The following CLDND1 variants were observed in gnomAD, a reference collection of about 807,000 sequenced individuals.
CLDND1 encodes the protein claudin domain-containing protein 1.
A neutral mutation model predicts 26.3 loss-of-function variants in CLDND1; 13 were observed. The observed-to-expected ratio is 0.49, with a 90% confidence interval of 0.32 to 0.78. The LOEUF (loss-of-function observed/expected upper bound fraction) is 0.78. CLDND1 is among the 30% of genes least tolerant of loss of function. The pLI is 0.03. For synonymous variants in CLDND1, 107 were observed against 107.0 expected, an observed-to-expected ratio of 1.00 and a Z score of 0.00; for missense variants, 289 against 312.8, an observed-to-expected ratio of 0.92 and a Z score of 0.57.
At position 98,516,683 on chromosome 3, in the gene CLDND1, T is replaced by G; in HGVS notation, c.738A>C (p.Leu246Phe). 1 of 1,614,036 alleles carries G rather than the reference T, an allele frequency of 6.2e-7. No homozygotes were observed. The highest frequency in any genetic ancestry group is 8.5e-7 in the Non-Finnish European group (1 of 1,179,962). Reference sequence around the variant, plus strand: ...CTCATGCCACACGATATGCCTTCATTAAGGTGTACTCTTTCCGGTTGGTGT... The same window carrying G: ...CTCATGCCACACGATATGCCTTCATGAAGGTGTACTCTTTCCGGTTGGTGT... ...AAHTNRKEYT[L>F]MKAYRVA The change falls in exon 5 of 5, where the codon TTA (leucine) becomes TTC (phenylalanine). Residue 246 changes from leucine (L) to phenylalanine (F), a missense_variant. Physicochemically the swap from Leu to Phe is conservative, Grantham distance 22 (BLOSUM62 0). Coordinates refer to ENST00000341181, the MANE Select transcript of CLDND1 (RefSeq NM_001040181.2).
At chr3:98,518,405 T>C (rs1052550950) in intron 3 of CLDND1, among the ~76,000 whole-genome samples, 2 of 152,210 alleles carry the variant, frequency 1.3e-5, no homozygotes, top group Non-Finnish European at 1.5e-5. Flanking sequence ...TTGTTCCTAA[T>C]AAATACTTTC....
In CLDND1 at chr3:98,517,535, G is replaced by A. The variant is rs749941081; in HGVS notation, c.404-346C>T. 1.4e-4 allele frequency among the ~76,000 whole-genome samples: 21 copies of A among 151,300 alleles called. 1 individual carries two copies. The highest frequency in any genetic ancestry group is 1.4e-3 in the Admixed American group (21 of 15,198). On this transcript the variant is annotated intron_variant, in intron 3 of 4. Coordinates refer to ENST00000341181, the MANE Select transcript of CLDND1 (RefSeq NM_001040181.2). ...ACATCCGCAGATTCAACTAACCAAG[G>A]GTTAAAAATATTCAGAAAAAAAAAT...
At chr3:98,517,811 A>T (rs1488956083) in intron 3 of CLDND1, among the ~76,000 whole-genome samples, 2 of 152,216 alleles carry the variant, frequency 1.3e-5, no homozygotes, top group Non-Finnish European at 2.9e-5. Flanking sequence ...CTGAGGCAAG[A>T]GTCATAAATA....
In CLDND1 at chr3:98,518,977, G is replaced by T; in HGVS notation, c.311C>A (p.Thr104Lys). The T allele has an allele frequency of 6.2e-7, 1 of 1,608,722 alleles. No homozygotes were observed. Among genetic ancestry groups the T allele is most frequent in the Non-Finnish European group, 8.5e-7 (1 of 1,176,456 alleles). The change falls in exon 3 of 5, where the codon ACA becomes AAA. Residue 104 changes from threonine to lysine, a missense_variant. Coordinates refer to ENST00000341181, the MANE Select transcript of CLDND1 (RefSeq NM_001040181.2). ...PERTESFDVV[T>K]KCVSFTLTEQ... ...AGTTAGTGTGAAACTCACACATTTT[G>T]TGACCACATCAAATGACTCTGGAAC...
At chr3:98,522,181 T>G (rs74389046) in intron 1 of CLDND1, 285 of 159,784 alleles carry the variant, frequency 1.8e-3, no homozygotes, top group African/African-American at 6.5e-3. Flanking sequence ...TCTCCCTAAA[T>G]CCTCAGTGCA....
At chr3:98,520,427 G>A (rs1706357110) in intron 2 of CLDND1, among the ~76,000 whole-genome samples, 1 of 152,146 alleles carries the variant, frequency 6.6e-6, no homozygotes, top group Admixed American at 6.5e-5. Flanking sequence ...CCACTAAGGG[G>A]CCAACAGAAG....
At chr3:98,520,167 A>G (rs762936721) in intron 2 of CLDND1, among the ~76,000 whole-genome samples, 1 of 152,222 alleles carries the variant, frequency 6.6e-6, no homozygotes, top group Non-Finnish European at 1.5e-5. Flanking sequence ...GCCCTGGAAC[A>G]TGGAGACATG....
rs975440081 is a variant in CLDND1, at chr3:98,516,071, T to C, written c.*588A>G. On this transcript the variant is annotated 3_prime_UTR_variant, in exon 5 of 5. Transcript: ENST00000341181. The stretch of plus-strand genomic sequence containing the variant: ...AAGTAAACACTGTATTTTTCACTTT[T>C]TGTAGACAGACACAGTGCAGATACA... The C allele has an allele frequency of 1.5e-5, 17 of 1,155,096 alleles. No individual in the cohort carries two copies. The Middle Eastern group carries it at 1.2e-3, about 81-fold the overall frequency. The allele number at this position is 1,155,096 out of a possible 1,614,324, so 71.6% of individuals were successfully genotyped here.
chr3:98,517,986 T>C (rs1706223694), intron 3 of CLDND1, among the ~76,000 whole-genome samples: 2 of 152,186 alleles, frequency 1.3e-5, no homozygotes, highest in African/African-American at 4.8e-5. Context: ...TGTTGAAGAA[T>C]ATATATAAAG....
intron 3 of CLDND1, among the ~76,000 whole-genome samples, chr3:98,517,755 T>A (rs577363480): frequency 6.6e-6 from 1 of 152,154 alleles, no homozygotes. Context: ...CAATCCCCCA[T>A]AGCTACAGCT....
In CLDND1 at chr3:98,516,254, TTTGACGA is replaced by T. The variant is rs1706132024; in HGVS notation, c.*398_*404del. ...TACAACAGCAAAGTGAACATAAAGT[TTTGACGA>T]TGAGAGGTTTCCCAAAGAAACTAAT... On this transcript the variant is annotated 3_prime_UTR_variant, in exon 5 of 5. Transcript: ENST00000341181. 1 of 1,027,484 alleles carries T rather than the reference TTTGACGA, an allele frequency of 9.7e-7. No homozygotes were observed. The highest frequency in any genetic ancestry group is 3.6e-5 in the South Asian group (1 of 27,506). The allele number at this position is 1,027,484 out of a possible 1,614,324, so 63.6% of individuals were successfully genotyped here.
rs137972579 is a variant in CLDND1 at position 98,522,435 on chromosome 3, G to C, written c.-19+414C>G. Reference sequence around the variant, plus strand: ...TGGGGTTGCTGAGTTTGGAAAATGGGAAGTGACTCAGGAAAGATAAGAGCA... The same window carrying C: ...TGGGGTTGCTGAGTTTGGAAAATGGCAAGTGACTCAGGAAAGATAAGAGCA... On this transcript the variant is annotated intron_variant, in intron 1 of 4. Coordinates refer to ENST00000341181, the MANE Select transcript of CLDND1 (RefSeq NM_001040181.2). The C allele has an allele frequency of 1.0e-4, 69 of 686,424 alleles. 1 individual carries two copies. The East Asian group carries it at 6.0e-3, about 59-fold the overall frequency. 42.5% of individuals were successfully genotyped at this position (686,424 alleles called of 1,614,324 possible).
chr3:98,518,886 G>A lies in CLDND1; in HGVS notation c.402C>T (p.Thr134=). ...NHNSGIDLLR[T]YLWRCQFLLP... is the part of the protein sequence containing the mutation. ...TCCTGGTGAAATCAAAGTACTCACA[G>A]GTCCTAAGGAGATCAATCCCGCTAT... Residue 134 remains threonine, a splice_region_variant and synonymous_variant, in exon 3 of 5, where the codon ACC becomes ACT. Coordinates refer to ENST00000341181, the MANE Select transcript of CLDND1 (RefSeq NM_001040181.2). 2 of 1,571,026 alleles carry A rather than the reference G, an allele frequency of 1.3e-6. No individual in the cohort carries two copies. The highest frequency in any genetic ancestry group is 1.3e-5 in the African/African-American group (1 of 74,106).
Position 98,516,267 on chromosome 3 carries a change from G to A in CLDND1, c.*392C>T. 3 of 1,027,500 alleles carry A rather than the reference G, an allele frequency of 2.9e-6. No individual in the cohort carries two copies. Among genetic ancestry groups the A allele is most frequent in the Non-Finnish European group, 3.5e-6 (3 of 856,068 alleles). The allele number at this position is 1,027,500 out of a possible 1,614,324, so 63.6% of individuals were successfully genotyped here. On this transcript the variant is annotated 3_prime_UTR_variant, in exon 5 of 5. Transcript: ENST00000341181. ...TGAACATAAAGTTTTGACGATGAGA[G>A]GTTTCCCAAAGAAACTAATATAGAG...
Position 98,515,910 on chromosome 3 carries a change from A to T in CLDND1, c.*749T>A. ...TGTAAAAAGAAAGCACACTTTTAAT[A>T]ACCCTGGTATGTGAAGAGGAAAGAA... On this transcript the variant is annotated 3_prime_UTR_variant, in exon 5 of 5. Coordinates refer to ENST00000341181, the MANE Select transcript of CLDND1 (RefSeq NM_001040181.2). The T allele has an allele frequency of 2.4e-6, 3 of 1,270,010 alleles. No individual in the cohort carries two copies. The highest frequency in any genetic ancestry group is 3.1e-6 in the Non-Finnish European group (3 of 978,120). 78.7% of individuals were successfully genotyped at this position (1,270,010 alleles called of 1,614,324 possible). A position where few individuals can be genotyped will look rare whatever the true frequency, so the allele number is the denominator to read the frequency against.
At position 98,518,922 on chromosome 3, in the gene CLDND1, G is replaced by T; in HGVS notation, c.366C>A (p.Pro122=). 6.2e-7 allele frequency: 1 copy of T among 1,613,448 alleles called. No individual in the cohort carries two copies. Among genetic ancestry groups the T allele is most frequent in the South Asian group, 1.1e-5 (1 of 91,024 alleles). Reference sequence around the variant, plus strand: ...GATCAATCCCGCTATTGTGGTTTCCGGGATCAACAAATTTCTCCATGAACT... The same window carrying T: ...GATCAATCCCGCTATTGTGGTTTCCTGGATCAACAAATTTCTCCATGAACT... ...TEQFMEKFVD[P]GNHNSGIDLL... Residue 122 remains proline (P), a synonymous_variant, in exon 3 of 5, where the codon CCC becomes CCA. Transcript: ENST00000341181.
chr3:98,515,795 G>A lies in CLDND1; in HGVS notation c.*864C>T, dbSNP rs1313617100. ...TCTTGTGGTAGGTTTCCCAGCTCTG[G>A]AGGGTCATTATGGTGAAACGTTCTT... On this transcript the variant is annotated 3_prime_UTR_variant, in exon 5 of 5. Coordinates refer to ENST00000341181, the MANE Select transcript of CLDND1 (RefSeq NM_001040181.2). 1 of 1,289,750 alleles carries A rather than the reference G, an allele frequency of 7.8e-7. No homozygotes were observed. Among genetic ancestry groups the A allele is most frequent in the Non-Finnish European group, 1.0e-6 (1 of 988,858 alleles). The allele number at this position is 1,289,750 out of a possible 1,614,324, so 79.9% of individuals were successfully genotyped here. A position where few individuals can be genotyped will look rare whatever the true frequency, so the allele number is the denominator to read the frequency against.
At position 98,521,537 on chromosome 3, in the gene CLDND1, C is replaced by T. The variant is rs1324431971; in HGVS notation, c.-18-95G>A. ...TTCCAAATGCACCCTTTACCCAATT[C>T]CCCATCCCTTCGTACATATAACCAT... On this transcript the variant is annotated intron_variant, in intron 1 of 4. Transcript: ENST00000341181. 4.1e-6 allele frequency: 6 copies of T among 1,461,992 alleles called. No homozygotes were observed. The East Asian group carries it at 1.1e-4, about 28-fold the overall frequency. 90.6% of individuals were successfully genotyped at this position (1,461,992 alleles called of 1,614,324 possible).
intron 2 of CLDND1, 27 bp downstream of exon 2, chr3:98,521,106 A>T (rs1459871710): frequency 6.3e-7 from 1 of 1,584,954 alleles, no homozygotes; most frequent in Non-Finnish European, 8.6e-7. Context: ...CAGGTGAAGA[A>T]GACAGAAGTT....
Sources: gnomAD v4.1 joint callset for allele counts (sites outside exome capture counted in the v4.1 genomes callset) on GRCh38, gnomAD v4.1.1 for gene constraint, MANE v1.5 for transcripts, NCBI Gene and HGNC (gene_info 2026-07-23, HGNC 2026-07-21) for gene names.